Variants in SORCS1 observed in about 807,000 individuals in gnomAD.
The protein encoded by SORCS1 is VPS10 domain-containing receptor SorCS1.
SORCS1 carries 60 observed loss-of-function variants against 146.1 expected under a neutral mutation model. That is an observed-to-expected ratio of 0.41 (90% CI 0.33 to 0.51). SORCS1 has a LOEUF of 0.51. Ranked by LOEUF, SORCS1 falls within the 20% of genes least tolerant of loss-of-function variation. The probability of loss-of-function intolerance (pLI) is 0.21; values close to 1 mark genes in which losing one functional copy is unlikely to be tolerated. For synonymous variants in SORCS1, 637 were observed against 584.0 expected, an observed-to-expected ratio of 1.09 and a Z score of -1.31; for missense variants, 1,352 against 1,487.6, an observed-to-expected ratio of 0.91 and a Z score of 1.50.
chr10:106,852,347 C>T (rs1271667665), intron 2 of SORCS1, among the ~76,000 whole-genome samples: 2 of 152,082 alleles, frequency 1.3e-5, no homozygotes, highest in East Asian at 3.9e-4. Flanking sequence ...AAAGTTTCCT[C>T]GGCTGGGTGC....
chr10:107,125,104 C>A (rs1306449112), intron 1 of SORCS1, among the ~76,000 whole-genome samples: 1 of 151,804 alleles, frequency 6.6e-6, no homozygotes, highest in Non-Finnish European at 1.5e-5. Context: ...AGGCATGCAC[C>A]AACACGCCCA....
intron 1 of SORCS1, among the ~76,000 whole-genome samples, chr10:107,097,298 C>CT (rs1399672024): frequency 6.6e-6 from 1 of 152,204 alleles, no homozygotes; most frequent in African/African-American, 2.4e-5. Flanking sequence ...CATCTGATTT[C>CT]TTTGTTGCAT....
chr10:106,611,841 C>T (rs1847012427), intron 22 of SORCS1, 70 bp downstream of exon 22: 3 of 1,208,844 alleles, frequency 2.5e-6, no homozygotes, highest in Non-Finnish European at 3.7e-6. Context: ...CAAAGCTCCC[C>T]TTTCTGTGAA....
chr10:106,620,356 C>A, intron 20 of SORCS1, 72 bp downstream of exon 20: 2 of 1,547,686 alleles, frequency 1.3e-6, no homozygotes, highest in African/African-American at 1.4e-5. Flanking sequence ...TAAGCCATTT[C>A]ATTCCCTCCT....
intron 5 of SORCS1, among the ~76,000 whole-genome samples, chr10:106,746,981 C>T (rs1857789776): frequency 6.6e-6 from 1 of 152,222 alleles, no homozygotes; most frequent in Admixed American, 6.5e-5. Context: ...AATATTCTAA[C>T]AGGTTTCATC....
chr10:106,707,486 C>T (rs1258548443), intron 7 of SORCS1, among the ~76,000 whole-genome samples: 1 of 152,138 alleles, frequency 6.6e-6, no homozygotes, highest in Non-Finnish European at 1.5e-5. Flanking sequence ...CAGGCATGAC[C>T]CACTGTGCCC....
intron 2 of SORCS1, among the ~76,000 whole-genome samples, chr10:106,914,802 G>A (rs532637820): frequency 2.6e-5 from 4 of 152,242 alleles, no homozygotes; most frequent in South Asian, 4.2e-4. Context: ...AAATTATGGC[G>A]GTGGAAGTGG....
chr10:106,903,850 T>G (rs972411059), intron 2 of SORCS1, among the ~76,000 whole-genome samples: 3 of 152,204 alleles, frequency 2.0e-5, no homozygotes, highest in African/African-American at 7.2e-5. Flanking sequence ...CATGCTTGTA[T>G]GCATGGGACA....
intron 2 of SORCS1, among the ~76,000 whole-genome samples, chr10:106,916,438 G>A (rs975006084): frequency 2.0e-5 from 3 of 148,910 alleles, no homozygotes; most frequent in Non-Finnish European, 1.5e-5. Flanking sequence ...ACATACACAC[G>A]ATTGTATATA....
intron 5 of SORCS1, among the ~76,000 whole-genome samples, chr10:106,738,088 A>G (rs1364545022): frequency 6.6e-6 from 1 of 152,218 alleles, no homozygotes. Flanking sequence ...TGATGGACGC[A>G]AAGAAAAAAT....
intron 1 of SORCS1, among the ~76,000 whole-genome samples, chr10:107,038,713 G>C (rs1303396854): frequency 6.6e-6 from 1 of 151,264 alleles, no homozygotes; most frequent in East Asian, 2.0e-4. Flanking sequence ...GGAGGTGGTA[G>C]TGGTGAGGAC....
chr10:107,110,569 A>G (rs944085583), intron 1 of SORCS1, among the ~76,000 whole-genome samples: 1 of 152,136 alleles, frequency 6.6e-6, no homozygotes, highest in Non-Finnish European at 1.5e-5. Context: ...TCACAAAGAT[A>G]GCATCAAGCC....
Position 106,607,180 on chromosome 10 carries a change from C to T in SORCS1, c.3151G>A (p.Asp1051Asn). 3.7e-6 allele frequency: 6 copies of T among 1,614,026 alleles called. No homozygotes were observed. The highest frequency in any genetic ancestry group is 5.1e-6 in the Non-Finnish European group (6 of 1,179,924). ...DPAGENKRST[D>N]DLEQISELLI... ...AGGGGACTCACCTGCTCCAGGTCAT[C>T]AGTTGACCTTTTGTTTTCTCCAGCT... Residue 1051 changes from aspartate to asparagine, a missense_variant, in exon 23 of 26, where the codon GAT (aspartate) becomes AAT (asparagine). Coordinates refer to ENST00000263054, the MANE Select transcript of SORCS1 (RefSeq NM_052918.5).
chr10:106,838,937 G>A (rs1948904382), intron 2 of SORCS1, among the ~76,000 whole-genome samples: 1 of 152,152 alleles, frequency 6.6e-6, no homozygotes, highest in African/African-American at 2.4e-5. Flanking sequence ...CCTGAACCAT[G>A]CCCATGTAAG....
chr10:106,978,903 A>G (rs1031718630), intron 1 of SORCS1, among the ~76,000 whole-genome samples: 1 of 152,184 alleles, frequency 6.6e-6, no homozygotes, highest in African/African-American at 2.4e-5. Flanking sequence ...GCAGCTATAG[A>G]CAATATGTCA....
Position 106,738,573 on chromosome 10 carries a change from G to A in SORCS1, c.960-8459C>T, listed in dbSNP as rs528422030. Among the ~76,000 whole-genome samples, 35 of 152,310 alleles carry A rather than the reference G, an allele frequency of 2.3e-4. No homozygotes were observed. The South Asian group carries it at 5.6e-3, about 24-fold the overall frequency. ...TGAGAGGAAGGAGGCTGGAGATCCTGCGTGGGGCCAGAGGGGCCACAGTGA... is the reference window on the plus strand; with the variant it reads ...TGAGAGGAAGGAGGCTGGAGATCCTACGTGGGGCCAGAGGGGCCACAGTGA... On this transcript the variant is annotated intron_variant, in intron 5 of 25. Transcript: ENST00000263054.
At chr10:106,874,241 T>C (rs1471999162) in intron 2 of SORCS1, among the ~76,000 whole-genome samples, 2 of 152,202 alleles carry the variant, frequency 1.3e-5, no homozygotes, top group African/African-American at 4.8e-5. Flanking sequence ...TTCGGTTTTT[T>C]ATCCTAAGTG....
At chr10:106,610,692 G>A (rs1390676401) in intron 22 of SORCS1, among the ~76,000 whole-genome samples, 2 of 152,162 alleles carry the variant, frequency 1.3e-5, no homozygotes, top group Non-Finnish European at 2.9e-5. Context: ...AATATGCCCT[G>A]GGAGTGGATA....
chr10:106,620,500 A>G lies in SORCS1; in HGVS notation c.2724T>C (p.Asn908=). The G allele has an allele frequency of 1.9e-6, 3 of 1,614,136 alleles. No homozygotes were observed. The highest frequency in any genetic ancestry group is 2.5e-6 in the Non-Finnish European group (3 of 1,179,974). The change falls in exon 20 of 26, where the codon AAT becomes AAC. Residue 908 remains asparagine, a synonymous_variant. Transcript: ENST00000263054. ...GGCTGGGCCACAGCACTGCCGTCGC[A>G]TTGACCTCTTTGTTCTTTGTGGTGA... is the stretch of plus-strand genomic sequence containing the variant. ...PFVTTKNKEV[N]ATAVLWPSQV... is the part of the protein sequence containing the mutation.
Sources: gnomAD v4.1 joint callset for allele counts (sites outside exome capture counted in the v4.1 genomes callset) on GRCh38, gnomAD v4.1.1 for gene constraint, MANE v1.5 for transcripts, NCBI Gene and HGNC (gene_info 2026-07-23, HGNC 2026-07-21) for gene names.